The following VPS53 variants were observed in gnomAD, a reference collection of about 807,000 sequenced individuals.
VPS53 encodes the protein vacuolar protein sorting-associated protein 53 homolog.
Under a neutral mutation model 107.0 loss-of-function variants are expected in VPS53, and 70 were observed. That is an observed-to-expected ratio of 0.65 (90% CI 0.54 to 0.80). VPS53 has a LOEUF of 0.80. VPS53 is among the 30% of genes least tolerant of loss of function. The probability of loss-of-function intolerance (pLI) is 0.00; values close to 1 mark genes in which losing one functional copy is unlikely to be tolerated. For missense variants in VPS53, 917 were observed against 1,049.4 expected, an observed-to-expected ratio of 0.87 and a Z score of 1.74; for synonymous variants, 409 against 393.3, an observed-to-expected ratio of 1.04 and a Z score of -0.47.
intron 11 of VPS53, among the ~76,000 whole-genome samples, chr17:615,000 C>T (rs1458403626): frequency 2.6e-5 from 4 of 152,188 alleles, no homozygotes; most frequent in Admixed American, 2.0e-4. Flanking sequence ...AAAGCTAATC[C>T]GATCTAGTCT....
intron 17 of VPS53, among the ~76,000 whole-genome samples, chr17:546,192 GC>G (rs1420472382): frequency 6.6e-6 from 1 of 152,130 alleles, no homozygotes; most frequent in African/African-American, 2.4e-5. Context: ...CACACCATAT[GC>G]AAAAATTAAC....
At chr17:695,634 C>T (rs945676787) in intron 4 of VPS53, among the ~76,000 whole-genome samples, 3 of 152,078 alleles carry the variant, frequency 2.0e-5, no homozygotes, top group South Asian at 2.1e-4. Context: ...ACTGCAGCCT[C>T]GAACTTCCTG....
chr17:643,820 C>CA (rs1239844450), intron 7 of VPS53, among the ~76,000 whole-genome samples: 2 of 152,218 alleles, frequency 1.3e-5, no homozygotes, highest in Non-Finnish European at 2.9e-5. Flanking sequence ...GGACAACACT[C>CA]ATACTTGGAA....
intron 4 of VPS53, among the ~76,000 whole-genome samples, chr17:662,518 T>C (rs1477087946): frequency 1.3e-4 from 19 of 151,746 alleles, no homozygotes; most frequent in East Asian, 2.0e-4. Flanking sequence ...TGAAACCCCA[T>C]CTCTACTAAA....
intron 4 of VPS53, among the ~76,000 whole-genome samples, chr17:694,409 T>TTATTTACGTTATTTACTG (rs1435942045): frequency 2.6e-5 from 4 of 152,168 alleles, no homozygotes; most frequent in Non-Finnish European, 5.9e-5. Context: ...GGTTGAAACG[T>TTATTTACGTTATTTACTG]AAATAACTGA....
chr17:628,374 T>C (rs1466090697), intron 8 of VPS53, 143 bp from the exon 9 acceptor site: 3 of 1,010,084 alleles, frequency 3.0e-6, no homozygotes. Flanking sequence ...TGTGGCTGGA[T>C]CTGTCAGTTA....
At chr17:604,722 G>A (rs1968485167) in intron 11 of VPS53, among the ~76,000 whole-genome samples, 1 of 152,208 alleles carries the variant, frequency 6.6e-6, no homozygotes, top group South Asian at 2.1e-4. Context: ...AGAATTACAG[G>A]CGTGAGCCAC....
Position 588,851 on chromosome 17 carries a change from T to C in VPS53, c.1219-2487A>G, listed in dbSNP as rs376795854. Among the ~76,000 whole-genome samples, 6 of 152,304 alleles carry C rather than the reference T, an allele frequency of 3.9e-5. 1 individual carries two copies. In the East Asian group the frequency reaches 1.2e-3, roughly 29 times the overall value. On this transcript the variant is annotated intron_variant, in intron 12 of 21. Coordinates refer to ENST00000437048, the MANE Select transcript of VPS53 (RefSeq NM_001128159.3). ...CCATTAGTTTAAGATGAAGGATCTATGATGGAGGATGAGGATTGTGAGGGG... is the reference window on the plus strand; with the variant it reads ...CCATTAGTTTAAGATGAAGGATCTACGATGGAGGATGAGGATTGTGAGGGG...
At chr17:621,823 A>G (rs1483430523) in intron 11 of VPS53, among the ~76,000 whole-genome samples, 3 of 152,126 alleles carry the variant, frequency 2.0e-5, no homozygotes, top group East Asian at 3.8e-4. Context: ...CTCTTTTTCC[A>G]AAAGAACGTT....
intron 4 of VPS53, among the ~76,000 whole-genome samples, chr17:686,083 C>T (rs58059004): frequency 0.036 from 5,504 of 151,828 alleles, 133 homozygotes; most frequent in East Asian, 0.07. Flanking sequence ...CTCTGGGAAG[C>T]GTAGGTGGGA....
At chr17:691,914 G>A (rs984473900) in intron 4 of VPS53, among the ~76,000 whole-genome samples, 6 of 152,136 alleles carry the variant, frequency 3.9e-5, no homozygotes, top group African/African-American at 1.2e-4. Flanking sequence ...GAAAAAATAC[G>A]GCATATATAG....
intron 6 of VPS53, among the ~76,000 whole-genome samples, chr17:654,763 A>G (rs1230966650): frequency 1.3e-5 from 2 of 151,448 alleles, no homozygotes; most frequent in Non-Finnish European, 2.9e-5. Context: ...AAGAAAAAAG[A>G]AAAAGACAGG....
At chr17:563,258 T>G (rs2151853771) in intron 13 of VPS53, among the ~76,000 whole-genome samples, 1 of 151,990 alleles carries the variant, frequency 6.6e-6, no homozygotes, top group Non-Finnish European at 1.5e-5. Flanking sequence ...ATGTCCATGC[T>G]TTATACCCAT....
intron 13 of VPS53, among the ~76,000 whole-genome samples, chr17:564,112 T>C (rs1913267745): frequency 6.8e-6 from 1 of 147,034 alleles, no homozygotes; most frequent in Non-Finnish European, 1.5e-5. Flanking sequence ...TAGCCGGGTG[T>C]GGGCCGGGTG....
intron 11 of VPS53, among the ~76,000 whole-genome samples, chr17:619,397 G>A (rs1222032487): frequency 6.9e-6 from 1 of 144,258 alleles, no homozygotes; most frequent in Non-Finnish European, 1.5e-5. Context: ...AATATTTCCC[G>A]GGTAGCTGGG....
chr17:664,527 G>A (rs1971598448), intron 4 of VPS53, among the ~76,000 whole-genome samples: 1 of 152,132 alleles, frequency 6.6e-6, no homozygotes, highest in Non-Finnish European at 1.5e-5. Flanking sequence ...CTGGAGAGGT[G>A]GGCACGAGCC....
intron 13 of VPS53, among the ~76,000 whole-genome samples, chr17:572,457 G>A (rs1272527944): frequency 7.9e-5 from 6 of 76,120 alleles, no homozygotes; most frequent in Admixed American, 2.9e-4. Flanking sequence ...TCCGGGAGGT[G>A]AGGGGCGCCT....
chr17:676,591 G>A (rs1048519854), intron 4 of VPS53, among the ~76,000 whole-genome samples: 27 of 152,216 alleles, frequency 1.8e-4, no homozygotes, highest in Admixed American at 6.5e-5. Flanking sequence ...CAGATGGTGA[G>A]TTACGCTTGA....
intron 7 of VPS53, among the ~76,000 whole-genome samples, chr17:641,270 A>C (rs76350622): frequency 6.6e-6 from 1 of 152,232 alleles, no homozygotes; most frequent in Non-Finnish European, 1.5e-5. Flanking sequence ...ATGCATTTTC[A>C]GGGTAAGATG....
Sources: gnomAD v4.1 joint callset for allele counts (sites outside exome capture counted in the v4.1 genomes callset) on GRCh38, gnomAD v4.1.1 for gene constraint, MANE v1.5 for transcripts, NCBI Gene and HGNC (gene_info 2026-07-23, HGNC 2026-07-21) for gene names.